Variants in COL23A1 observed in about 807,000 individuals in gnomAD.
The protein encoded by COL23A1 is collagen type XXIII alpha 1 chain.
A neutral mutation model predicts 99.3 loss-of-function variants in COL23A1; 97 were observed. The observed-to-expected ratio is 0.98, with a 90% CI of 0.83 to 1.16. The LOEUF (loss-of-function observed/expected upper bound fraction) is 1.16. Ranked by LOEUF, COL23A1 falls within the 50% of genes most tolerant of loss-of-function variation. The pLI is 0.00. For synonymous variants in COL23A1, 320 were observed against 308.2 expected, an observed-to-expected ratio of 1.04 and a Z score of -0.40; for missense variants, 762 against 757.4, an observed-to-expected ratio of 1.01 and a Z score of -0.07.
intron 2 of COL23A1, among the ~76,000 whole-genome samples, chr5:178,326,773 G>A (rs1759690074): frequency 6.6e-6 from 1 of 152,226 alleles, no homozygotes; most frequent in Non-Finnish European, 1.5e-5. Context: ...AGGCTGGAGT[G>A]CAGTGGCGCG....
rs560222116 is a variant in COL23A1 at position 178,445,648 on chromosome 5, G to A, written c.361+115034C>T. Among the ~76,000 whole-genome samples, 5 of 152,188 alleles carry A rather than the reference G, an allele frequency of 3.3e-5. No individual in the cohort carries two copies. The South Asian group carries it at 1.0e-3, about 32-fold the overall frequency. ...CTATTTGGAGAGGAAAAGTAGATTA[G>A]AAACTACATCGAAAAGATGAAGTAC... is the stretch of plus-strand genomic sequence containing the variant. On this transcript the variant is annotated intron_variant, in intron 2 of 28. Coordinates refer to ENST00000390654, the MANE Select transcript of COL23A1 (RefSeq NM_173465.4).
chr5:178,257,476 A>G, intron 13 of COL23A1, 47 bp downstream of exon 13: 1 of 1,552,288 alleles, frequency 6.4e-7, no homozygotes, highest in Non-Finnish European at 8.7e-7. Flanking sequence ...GATGGGAACC[A>G]TGGGAGGTGG....
chr5:178,377,476 A>G (rs923123715), intron 2 of COL23A1, among the ~76,000 whole-genome samples: 7 of 152,162 alleles, frequency 4.6e-5, no homozygotes, highest in African/African-American at 1.7e-4. Context: ...ACCCAAACTC[A>G]CTAGTGAAAA....
chr5:178,582,188 C>T (rs1320749565), intron 1 of COL23A1, among the ~76,000 whole-genome samples: 1 of 113,506 alleles, frequency 8.8e-6, no homozygotes, highest in African/African-American at 3.6e-5. Context: ...GCCTGGGAGA[C>T]AGGACGAGAC....
rs1414782489 is a variant in COL23A1 at position 178,309,499 on chromosome 5, G to A, written c.362-2580C>T. Among the ~76,000 whole-genome samples, 1 of 152,080 alleles carries A rather than the reference G, an allele frequency of 6.6e-6. No individual in the cohort carries two copies. Among genetic ancestry groups the A allele is most frequent in the African/African-American group, 2.4e-5 (1 of 41,406 alleles). On this transcript the variant is annotated intron_variant, in intron 2 of 28. Transcript: ENST00000390654. This position sits in a 1 kb window ranked among gnomAD's most constrained non-coding sequence, Gnocchi z 4.7. ...ACTCCTGAGGGCTGATCCTAACCAG[G>A]CACGGTGCTGGGGGCGCCATGTGAC...
At chr5:178,305,602 T>C (rs543755954) in intron 3 of COL23A1, among the ~76,000 whole-genome samples, 7 of 152,152 alleles carry the variant, frequency 4.6e-5, no homozygotes, top group Non-Finnish European at 1.0e-4. Flanking sequence ...AGGAGATGCT[T>C]GAGCTAGGCT....
intron 2 of COL23A1, among the ~76,000 whole-genome samples, chr5:178,343,269 A>T (rs568663802): frequency 1.4e-4 from 22 of 152,292 alleles, no homozygotes; most frequent in African/African-American, 5.3e-4. Context: ...ATTAGCTAAG[A>T]TCCAGAAGAG....
At chr5:178,356,211 G>A (rs960996717) in intron 2 of COL23A1, among the ~76,000 whole-genome samples, 1 of 152,170 alleles carries the variant, frequency 6.6e-6, no homozygotes, top group Non-Finnish European at 1.5e-5. Flanking sequence ...GTTGCGGAGG[G>A]GAGGAGGACA....
chr5:178,358,165 T>A (rs1581220038), intron 2 of COL23A1, among the ~76,000 whole-genome samples: 1 of 150,656 alleles, frequency 6.6e-6, no homozygotes, highest in Admixed American at 6.6e-5. Flanking sequence ...TGTGTATGTC[T>A]AATGTGTATG....
At chr5:178,470,835 A>T (rs916771176) in intron 2 of COL23A1, among the ~76,000 whole-genome samples, 1 of 152,224 alleles carries the variant, frequency 6.6e-6, no homozygotes, top group Non-Finnish European at 1.5e-5. Flanking sequence ...GCGGCCGTTC[A>T]TGCTGAGAGC....
At position 178,340,370 on chromosome 5, in the gene COL23A1, A is replaced by C. The variant is rs144153077; in HGVS notation, c.362-33451T>G. Reference sequence around the variant, plus strand: ...TCCAGCGCAGGAGGGGTAGAAGGGGAAATAAAAGCTGGTCTCCTTGGCAAT... The same window carrying C: ...TCCAGCGCAGGAGGGGTAGAAGGGGCAATAAAAGCTGGTCTCCTTGGCAAT... On this transcript the variant is annotated intron_variant, in intron 2 of 28. Coordinates refer to ENST00000390654, the MANE Select transcript of COL23A1 (RefSeq NM_173465.4). The surrounding 1 kb of genome is among the most constrained non-coding windows in gnomAD (Gnocchi z 4.7). 4.2e-4 allele frequency among the ~76,000 whole-genome samples: 64 copies of C among 152,320 alleles called. No homozygotes were observed. Among genetic ancestry groups the C allele is most frequent in the African/African-American group, 1.5e-3 (63 of 41,584 alleles).
At chr5:178,336,259 C>T (rs1760309461) in intron 2 of COL23A1, among the ~76,000 whole-genome samples, 1 of 152,182 alleles carries the variant, frequency 6.6e-6, no homozygotes, top group Non-Finnish European at 1.5e-5. Context: ...TAACTGAAAA[C>T]AAGTGTTCAA....
chr5:178,243,441 C>T (rs1318846708), intron 25 of COL23A1, among the ~76,000 whole-genome samples: 1 of 140,532 alleles, frequency 7.1e-6, no homozygotes, highest in Non-Finnish European at 1.5e-5. Flanking sequence ...GAGCCGAGAT[C>T]ATGCCACTGC....
rs567703134 is a variant in COL23A1 at position 178,585,334 on chromosome 5, C to T, written c.294+4570G>A. Among the ~76,000 whole-genome samples the T allele has an allele frequency of 2.7e-5, 4 of 149,664 alleles. No homozygotes were observed. The South Asian group carries it at 6.3e-4, about 24-fold the overall frequency. On this transcript the variant is annotated intron_variant, in intron 1 of 28. Transcript: ENST00000390654. The stretch of plus-strand genomic sequence containing the variant: ...GACCCTGGGGTAACACTTGTGGCCC[C>T]GGCTGACGCTCAGGTAACACTCTAT...
At position 178,357,760 on chromosome 5, in the gene COL23A1, ACGTGTATGTATG is replaced by A. The variant is rs1561894600; in HGVS notation, c.362-50853_362-50842del. Among the ~76,000 whole-genome samples the A allele has an allele frequency of 6.3e-3, 911 of 144,858 alleles. 7 individuals are homozygous for A. Among genetic ancestry groups the A allele is most frequent in the African/African-American group, 0.021 (824 of 39,454 alleles). ...TGTATGTACGTGTATGTGTGTGTGT[ACGTGTATGTATG>A]TGTGTATGTGTATGTGTGTGTGTAT... On this transcript the variant is annotated intron_variant, in intron 2 of 28. Coordinates refer to ENST00000390654, the MANE Select transcript of COL23A1 (RefSeq NM_173465.4).
chr5:178,400,709 C>T (rs1256859836), intron 2 of COL23A1, among the ~76,000 whole-genome samples: 2 of 151,770 alleles, frequency 1.3e-5, no homozygotes, highest in Non-Finnish European at 2.9e-5. Context: ...ACAATCTCAG[C>T]TCACTCCAAC....
chr5:178,300,011 C>T (rs1239224143), intron 3 of COL23A1, among the ~76,000 whole-genome samples: 1 of 152,030 alleles, frequency 6.6e-6, no homozygotes, highest in Non-Finnish European at 1.5e-5. Context: ...GCCTTGGCCT[C>T]CCAAAGTGCT....
chr5:178,278,749 C>T (rs1033958027), intron 5 of COL23A1, among the ~76,000 whole-genome samples: 4 of 152,182 alleles, frequency 2.6e-5, no homozygotes, highest in Non-Finnish European at 5.9e-5. Context: ...GGTCCTGCCC[C>T]GTAGACCTGG....
intron 8 of COL23A1, among the ~76,000 whole-genome samples, chr5:178,263,935 C>T (rs1200850575): frequency 6.6e-6 from 1 of 152,138 alleles, no homozygotes; most frequent in Non-Finnish European, 1.5e-5. Context: ...GAGAATTATG[C>T]TAAGTGGAAA....
Sources: gnomAD v4.1 joint callset for allele counts (sites outside exome capture counted in the v4.1 genomes callset) on GRCh38, gnomAD v4.1.1 for gene constraint, Gnocchi (gnomAD v3.1) non-coding constraint, MANE v1.5 for transcripts, NCBI Gene and HGNC (gene_info 2026-07-23, HGNC 2026-07-21) for gene names.